The following THOC5 variants were observed in gnomAD, a reference collection of about 807,000 sequenced individuals.
THOC5 encodes the protein Fms-interacting protein.
Under a neutral mutation model 92.9 loss-of-function variants are expected in THOC5, and 43 were observed. The observed-to-expected ratio is 0.46, with a 90% CI of 0.36 to 0.60. THOC5 has a LOEUF of 0.60. Ranked by LOEUF, THOC5 falls within the 20% of genes least tolerant of loss-of-function variation. The probability of loss-of-function intolerance (pLI) is 0.00; values close to 1 mark genes in which losing one functional copy is unlikely to be tolerated. For synonymous variants in THOC5, 296 were observed against 320.1 expected (o/e 0.92, Z 0.80); for missense variants, 659 against 849.4 (o/e 0.78, Z 2.79).
intron 5 of THOC5, among the ~76,000 whole-genome samples, chr22:29,541,087 C>G (rs140445437): frequency 6.6e-6 from 1 of 151,576 alleles, no homozygotes; most frequent in Non-Finnish European, 1.5e-5. Flanking sequence ...TGTGGTGGCT[C>G]ATGCATGCAA....
intron 14 of THOC5, 56 bp downstream of exon 14, chr22:29,519,952 T>C (rs2063407611): frequency 1.4e-6 from 2 of 1,479,504 alleles, no homozygotes; most frequent in East Asian, 2.3e-5. Context: ...CTAGAGTCTA[T>C]ACAGGAAGAG....
chr22:29,532,026 C>T, intron 7 of THOC5, 63 bp from the exon 8 acceptor site: 1 of 1,574,996 alleles, frequency 6.3e-7, no homozygotes, highest in Non-Finnish European at 8.7e-7. Context: ...GAAAAAGTGG[C>T]TACTTAGTGA....
intron 12 of THOC5, 65 bp from the exon 13 acceptor site, chr22:29,521,164 G>A: frequency 8.0e-7 from 1 of 1,246,430 alleles, no homozygotes; most frequent in Non-Finnish European, 1.2e-6. Context: ...ATAGGCTTGG[G>A]CATTTGGGGA....
intron 5 of THOC5, among the ~76,000 whole-genome samples, chr22:29,540,230 C>A (rs769446535): frequency 2.0e-5 from 3 of 152,066 alleles, no homozygotes; most frequent in African/African-American, 4.8e-5. Flanking sequence ...CAGGATTGCG[C>A]CATTGCACTC....
At chr22:29,527,386 T>C (rs769776665) in intron 11 of THOC5, among the ~76,000 whole-genome samples, 1 of 152,142 alleles carries the variant, frequency 6.6e-6, no homozygotes, top group Non-Finnish European at 1.5e-5. Context: ...GCCACTGTAC[T>C]CCAGCCTGGA....
At chr22:29,553,170 C>G (rs985553579) in intron 1 of THOC5, among the ~76,000 whole-genome samples, 10 of 152,190 alleles carry the variant, frequency 6.6e-5, no homozygotes, top group African/African-American at 2.4e-4. Context: ...TGCTGACCTT[C>G]CCTCCACTAT....
chr22:29,545,620 T>C (rs1269074617), intron 2 of THOC5, among the ~76,000 whole-genome samples: 1 of 152,192 alleles, frequency 6.6e-6, no homozygotes, highest in Non-Finnish European at 1.5e-5. Flanking sequence ...AGTAGGGCAG[T>C]GAAATTTTAA....
intron 7 of THOC5, 73 bp from the exon 8 acceptor site, chr22:29,532,036 AC>A: frequency 6.5e-7 from 1 of 1,540,216 alleles, no homozygotes; most frequent in Non-Finnish European, 8.8e-7. Context: ...CTACTTAGTG[AC>A]CGTAAATCAT....
rs202221025 is a variant in THOC5, at chr22:29,517,017, C to G, written c.1681+12G>C. On this transcript the variant is annotated intron_variant, in intron 17 of 19. Coordinates refer to ENST00000490103, the MANE Select transcript of THOC5 (RefSeq NM_003678.5). ...CTTTGTCTAGAACCCCTGTAATCAG[C>G]AGAGCAATTACCTGTGCCCCTTTCG... 1.6e-4 allele frequency: 259 copies of G among 1,613,602 alleles called. 3 individuals carry two copies. Among genetic ancestry groups the G allele is most frequent in the South Asian group, 1.3e-4 (12 of 91,064 alleles).
rs1352145605 is a variant in THOC5 at position 29,532,471 on chromosome 22, C to T, written c.715-508G>A. ...CTGAGGTCGGGAGATCAAGACCAGCCTGACGGACACAGAGAACCCCGTCTC... is the reference window on the plus strand; with the variant it reads ...CTGAGGTCGGGAGATCAAGACCAGCTTGACGGACACAGAGAACCCCGTCTC... On this transcript the variant is annotated intron_variant, in intron 7 of 19. Transcript: ENST00000490103. Among the ~76,000 whole-genome samples the T allele has an allele frequency of 2.0e-5, 3 of 151,516 alleles. No homozygotes were observed. In the East Asian group the frequency reaches 5.8e-4, roughly 29 times the overall value.
chr22:29,539,073 G>A (rs1360063774), intron 6 of THOC5, among the ~76,000 whole-genome samples: 13 of 130,530 alleles, frequency 1.0e-4, no homozygotes, highest in Non-Finnish European at 1.8e-4. Context: ...TCACACCACC[G>A]CACTCCAGCC....
Position 29,544,481 on chromosome 22 carries a change from C to A in THOC5, c.219G>T (p.Lys73Asn), listed in dbSNP as rs975154119. 6.2e-7 allele frequency: 1 copy of A among 1,613,732 alleles called. No individual in the cohort carries two copies. The highest frequency in any genetic ancestry group is 8.5e-7 in the Non-Finnish European group (1 of 1,179,954). ...TTACCACATCCTTGCCACCCCTGCT[C>A]TTCAGGTCTTGGATCTCAGCCATCA... Reference protein sequence around the residue: ...QRLMAEIQDLKSRGGKDVAIE... With the variant: ...QRLMAEIQDLNSRGGKDVAIE... Residue 73 changes from lysine (K) to asparagine (N), a missense_variant, in exon 3 of 20, where the codon AAG (lysine) becomes AAT (asparagine). By Grantham distance (94) the Lys-to-Asn change is moderately conservative. Transcript: ENST00000490103.
intron 14 of THOC5, among the ~76,000 whole-genome samples, chr22:29,519,408 G>C (rs2063395513): frequency 6.6e-6 from 1 of 152,218 alleles, no homozygotes; most frequent in South Asian, 2.1e-4. Context: ...CCTCATATTT[G>C]GTACTTGCAC....
chr22:29,516,930 G>T, intron 17 of THOC5, 99 bp downstream of exon 17: 1 of 1,112,792 alleles, frequency 9.0e-7, no homozygotes, highest in Non-Finnish European at 1.4e-6. Context: ...TTAAGTCCTT[G>T]CAGGACTCCA....
chr22:29,545,383 T>G (rs574817637), intron 2 of THOC5, among the ~76,000 whole-genome samples: 2 of 152,256 alleles, frequency 1.3e-5, no homozygotes, highest in South Asian at 4.1e-4. Context: ...AAACCAATCA[T>G]GCCTTCCCAA....
intron 1 of THOC5, among the ~76,000 whole-genome samples, chr22:29,551,291 G>A (rs572641805): frequency 3.9e-5 from 6 of 152,194 alleles, no homozygotes; most frequent in Non-Finnish European, 5.9e-5. Flanking sequence ...AAAATTAGCC[G>A]GGAGTGGAGG....
chr22:29,537,349 A>T (rs1291649827), intron 6 of THOC5, among the ~76,000 whole-genome samples: 2 of 152,184 alleles, frequency 1.3e-5, no homozygotes, highest in African/African-American at 4.8e-5. Flanking sequence ...ATTTCCTAAG[A>T]ACCAGACTCG....
At chr22:29,546,173 C>A (rs2064014092) in intron 2 of THOC5, among the ~76,000 whole-genome samples, 1 of 152,204 alleles carries the variant, frequency 6.6e-6, no homozygotes, top group South Asian at 2.1e-4. Flanking sequence ...CTGGCTGGGA[C>A]ACAGGGCACC....
chr22:29,517,222 T>A (rs1320379204), intron 16 of THOC5, 41 bp downstream of exon 16: 1 of 1,602,484 alleles, frequency 6.2e-7, no homozygotes, highest in Non-Finnish European at 8.6e-7. Context: ...GGTCCTGCAA[T>A]CCTCAGGACA....
Sources: gnomAD v4.1 joint callset for allele counts (sites outside exome capture counted in the v4.1 genomes callset) on GRCh38, gnomAD v4.1.1 for gene constraint, MANE v1.5 for transcripts, NCBI Gene and HGNC (gene_info 2026-07-23, HGNC 2026-07-21) for gene names.